Variants in SPMIP9 observed in about 807,000 individuals in gnomAD.
SPMIP9 encodes the protein protein SPMIP9.
At chr2:88,525,343 C>G in the SPMIP9 span, among the ~76,000 whole-genome samples, 2 of 152,356 alleles carry the variant, frequency 1.3e-5, no homozygotes. Flanking sequence ...CAGCACTTCA[C>G]TTGCCCTAGG....
At chr2:88,526,553 GT>G in the SPMIP9 span, 2 of 1,335,484 alleles carry the variant, frequency 1.5e-6, no homozygotes, top group South Asian at 2.4e-5. Context: ...AATCCTCTCT[GT>G]TGCTTCATTT....
chr2:88,528,785 G>A, the SPMIP9 span, among the ~76,000 whole-genome samples: 2,212 of 152,254 alleles, frequency 0.015, 55 homozygotes, highest in African/African-American at 0.051. Context: ...AATATTTCTA[G>A]AGAGATACAA....
chr2:88,528,379 C>A, the SPMIP9 span, among the ~76,000 whole-genome samples: 1 of 152,106 alleles, frequency 6.6e-6, no homozygotes, highest in Non-Finnish European at 1.5e-5. Context: ...CTCAAGTGAT[C>A]CACTCACCTC....
the SPMIP9 span, among the ~76,000 whole-genome samples, chr2:88,528,018 G>T: frequency 6.6e-6 from 1 of 152,046 alleles, no homozygotes; most frequent in African/African-American, 2.4e-5. Flanking sequence ...TTCATTTGTC[G>T]ATGGAGATTT....
At chr2:88,525,602 C>A in the SPMIP9 span, 62 of 1,613,632 alleles carry the variant, frequency 3.8e-5, no homozygotes, top group Non-Finnish European at 5.3e-5. Flanking sequence ...TTGTCTGTGG[C>A]AGAGCAGGGC....
chr2:88,527,238 C>T, the SPMIP9 span, among the ~76,000 whole-genome samples: 1 of 152,004 alleles, frequency 6.6e-6, no homozygotes, highest in African/African-American at 2.4e-5. Context: ...GAGGCAGAGG[C>T]GGCCAGGAGT....
the SPMIP9 span, among the ~76,000 whole-genome samples, chr2:88,525,867 A>G: frequency 6.6e-6 from 1 of 150,654 alleles, no homozygotes; most frequent in Non-Finnish European, 1.5e-5. Flanking sequence ...CTGGGGGTTC[A>G]GTTATTTACT....
the SPMIP9 span, chr2:88,529,249 C>G: frequency 2.5e-6 from 4 of 1,614,018 alleles, no homozygotes; most frequent in Non-Finnish European, 3.4e-6. Flanking sequence ...CCAGCACCTG[C>G]CATTTCACAT....
At chr2:88,526,021 G>A in the SPMIP9 span, among the ~76,000 whole-genome samples, 2 of 152,120 alleles carry the variant, frequency 1.3e-5, no homozygotes, top group African/African-American at 4.8e-5. Context: ...GTTGTGGAGG[G>A]TTGTAAGGAA....
chr2:88,529,262 C>T, the SPMIP9 span: 6 of 1,614,110 alleles, frequency 3.7e-6, no homozygotes, highest in South Asian at 6.6e-5. Context: ...TTTCACATAT[C>T]CAGCTTCCCA....
At chr2:88,525,621 T>G in the SPMIP9 span, 2 of 1,613,916 alleles carry the variant, frequency 1.2e-6, no homozygotes, top group Non-Finnish European at 1.7e-6. Context: ...GCTAAACAAC[T>G]TGTCTGTGTC....
At chr2:88,529,157 A>G in the SPMIP9 span, 3 of 1,614,048 alleles carry the variant, frequency 1.9e-6, no homozygotes, top group Admixed American at 1.7e-5. Flanking sequence ...AAGACCCCAC[A>G]TGACTGCCAA....
At chr2:88,527,454 A>ATCAT in the SPMIP9 span, among the ~76,000 whole-genome samples, 2 of 152,182 alleles carry the variant, frequency 1.3e-5, no homozygotes, top group Non-Finnish European at 2.9e-5. Context: ...CCCCAAAAAA[A>ATCAT]TCATTCCCTT....
At chr2:88,525,508 C>A in the SPMIP9 span, 3 of 947,970 alleles carry the variant, frequency 3.2e-6, no homozygotes, top group African/African-American at 4.8e-5. Flanking sequence ...GGGTAGGAGC[C>A]CAGGGAAGAT....
At chr2:88,528,618 A>C in the SPMIP9 span, among the ~76,000 whole-genome samples, 6 of 152,260 alleles carry the variant, frequency 3.9e-5, no homozygotes, top group East Asian at 1.2e-3. Context: ...TCCCGTCCTG[A>C]GGTTTCCCCA....
At chr2:88,526,632 G>T in the SPMIP9 span, 1 of 712,202 alleles carries the variant, frequency 1.4e-6, no homozygotes, top group Non-Finnish European at 2.5e-6. Context: ...ATGACTTAGA[G>T]ATCTTTTCTG....
the SPMIP9 span, among the ~76,000 whole-genome samples, chr2:88,525,301 T>A: frequency 1.3e-5 from 2 of 152,212 alleles, no homozygotes. Context: ...CAGGGCCTAT[T>A]TTCCCTGAAA....
the SPMIP9 span, among the ~76,000 whole-genome samples, chr2:88,525,410 C>G: frequency 1.3e-5 from 2 of 152,184 alleles, no homozygotes; most frequent in Non-Finnish European, 2.9e-5. Context: ...TTCTAAACAG[C>G]CCTCATTCCT....
chr2:88,527,385 G>A, the SPMIP9 span, among the ~76,000 whole-genome samples: 431 of 152,220 alleles, frequency 2.8e-3, 2 homozygotes, highest in South Asian at 0.023. Flanking sequence ...TTTCAGCTGC[G>A]TGGAAGGCTG....
Sources: gnomAD v4.1 joint callset for allele counts (sites outside exome capture counted in the v4.1 genomes callset) on GRCh38, gnomAD v4.1.1 for gene constraint, MANE v1.5 for transcripts, NCBI Gene and HGNC (gene_info 2026-07-23, HGNC 2026-07-21) for gene names.